MYH3: variants seen among roughly 807,000 people sequenced by gnomAD.
The protein encoded by MYH3 is myosin heavy chain 3.
MYH3 carries 130 observed loss-of-function variants against 238.0 expected under a neutral mutation model. The ratio of observed to expected loss-of-function variants is 0.55; its 90% CI spans 0.47 to 0.63. The LOEUF (loss-of-function observed/expected upper bound fraction) is 0.63, where lower values mean the gene tolerates loss of function less well. Ranked by LOEUF, MYH3 falls within the 30% of genes least tolerant of loss-of-function variation. The pLI is 0.00. For synonymous variants in MYH3, 880 were observed against 924.1 expected, an observed-to-expected ratio of 0.95 and a Z score of 0.86; for missense variants, 1,853 against 2,374.9, an observed-to-expected ratio of 0.78 and a Z score of 4.57.
intron 7 of MYH3, 42 bp from the exon 8 acceptor site, chr17:10,648,691 T>C: frequency 3.2e-6 from 5 of 1,557,590 alleles, no homozygotes; most frequent in Non-Finnish European, 4.4e-6. Context: ...ACATTTTTTT[T>C]TGAGATGGAG....
the MYH3 span, among the ~76,000 whole-genome samples, chr17:10,671,951 AT>A: frequency 2.6e-5 from 4 of 152,064 alleles, no homozygotes; most frequent in Non-Finnish European, 5.9e-5. Context: ...CTGCTTATAT[AT>A]CGGTGATAGT....
At chr17:10,673,276 T>A in the MYH3 span, 1 of 152,218 alleles carries the variant, frequency 6.6e-6, no homozygotes, top group Non-Finnish European at 1.5e-5. Context: ...GTTATGTGCA[T>A]CCCAGAGGCA....
At position 10,630,150 on chromosome 17, in the gene MYH3, G is replaced by C. The variant is rs746921344; in HGVS notation, c.5504C>G (p.Thr1835Arg). The change falls in exon 38 of 41, where the codon ACA becomes AGA. Residue 1835 changes from threonine (T) to arginine (R), a missense_variant. Around this residue, in one of 3 missense-constraint regions of MYH3, gnomAD observed 1,044 missense variants for 1,192.6 expected, o/e 0.88. Transcript: ENST00000583535. ...CTTCCTCAGGCCCTTAACAGACTCT[G>C]TGTTCTTCTTCTGCTCTCCCTCAAG... ...FELEGEQKKN[T>R]ESVKGLRKYE... The C allele has an allele frequency of 1.9e-6, 3 of 1,614,162 alleles. No individual in the cohort carries two copies. The highest frequency in any genetic ancestry group is 2.5e-6 in the Non-Finnish European group (3 of 1,180,034).
In MYH3 at chr17:10,651,545, T is replaced by C; in HGVS notation, c.472A>G (p.Ile158Val). 5.6e-6 allele frequency: 9 copies of C among 1,613,806 alleles called. No homozygotes were observed. The highest frequency in any genetic ancestry group is 7.6e-6 in the Non-Finnish European group (9 of 1,179,874). Residue 158 changes from isoleucine (I) to valine (V), a missense_variant, in exon 5 of 41, where the codon ATC (isoleucine) becomes GTC (valine). By Grantham distance (29) the Ile-to-Val change is conservative (BLOSUM62 3). Around this residue, in one of 3 missense-constraint regions of MYH3, gnomAD observed 678 missense variants for 1,058.9 expected, o/e 0.64. Transcript: ENST00000583535. The stretch of plus-strand genomic sequence containing the variant: ...ATGAACTGATAGGCGTTGTCAGAGA[T>C]GGAGAAGATGTGGGGTGGGGCCTCC... ...RQEAPPHIFS[I>V]SDNAYQFMLT... is the part of the protein sequence containing the mutation.
chr17:10,649,143 G>T (rs1270816738), intron 7 of MYH3, among the ~76,000 whole-genome samples: 1 of 152,174 alleles, frequency 6.6e-6, no homozygotes, highest in Non-Finnish European at 1.5e-5. Flanking sequence ...GTTATATTTG[G>T]CACTACAGTT....
chr17:10,655,118 G>A (rs2074415524), intron 2 of MYH3, 46 bp from the exon 3 acceptor site: 1 of 1,481,144 alleles, frequency 6.8e-7, no homozygotes, highest in Middle Eastern at 2.1e-4. Context: ...CCCTTGCCAG[G>A]CACCCAGCAG....
At chr17:10,665,469 T>G in the MYH3 span, among the ~76,000 whole-genome samples, 1 of 152,158 alleles carries the variant, frequency 6.6e-6, no homozygotes, top group East Asian at 1.9e-4. Flanking sequence ...ACACTGAATT[T>G]TTGTTTAAAG....
rs985838125 is a variant in MYH3 at position 10,631,978 on chromosome 17, C to T, written c.4995G>A (p.Gln1665=). Residue 1665 remains glutamine (Q), a synonymous_variant, in exon 35 of 41, where the codon CAG becomes CAA. Transcript: ENST00000583535. Reference sequence around the variant, plus strand: ...TCGCCAGCTGCTCCTTCAGGTCCTCCTGGCCCCGGAGGGCATCATCCAGGT... The same window carrying T: ...TCGCCAGCTGCTCCTTCAGGTCCTCTTGGCCCCGGAGGGCATCATCCAGGT... The part of the protein sequence containing the change: ...QLHLDDALRG[Q]EDLKEQLAIV... 1.5e-5 allele frequency: 25 copies of T among 1,613,762 alleles called. No individual in the cohort carries two copies. Among genetic ancestry groups the T allele is most frequent in the Middle Eastern group, 3.4e-4 (2 of 5,804 alleles).
chr17:10,668,239 A>T, the MYH3 span, among the ~76,000 whole-genome samples: 1 of 152,230 alleles, frequency 6.6e-6, no homozygotes. Flanking sequence ...TACTAAAAAT[A>T]CAAAAATTAG....
Position 10,629,889 on chromosome 17 carries a change from T to C in MYH3, c.5611A>G (p.Lys1871Glu). ...TAGGACTTGACTTTCACTTGCAGTT[T>C]ATCCACCAGATCCTGCAATCTCAGC... is the stretch of plus-strand genomic sequence containing the variant. ...NVLRLQDLVD[K>E]LQVKVKSYKR... The change falls in exon 39 of 41, where the codon AAA (lysine) becomes GAA (glutamate). Residue 1871 changes from lysine to glutamate, a missense_variant. Physicochemically the swap from Lys to Glu is moderately conservative, Grantham distance 56 (BLOSUM62 1). Around this residue, in one of 3 missense-constraint regions of MYH3, gnomAD observed 1,044 missense variants for 1,192.6 expected, o/e 0.88. Transcript: ENST00000583535. The C allele has an allele frequency of 1.2e-6, 2 of 1,614,184 alleles. No individual in the cohort carries two copies. The highest frequency in any genetic ancestry group is 1.7e-6 in the Non-Finnish European group (2 of 1,180,034).
chr17:10,647,321 G>C (rs368786583), intron 9 of MYH3, 41 bp from the exon 10 acceptor site: 206 of 1,613,532 alleles, frequency 1.3e-4, no homozygotes, highest in Non-Finnish European at 1.6e-4. Context: ...ACTGTTCCCA[G>C]TTAACTCTGA....
chr17:10,674,451 A>C, the MYH3 span: 49 of 284,704 alleles, frequency 1.7e-4, no homozygotes, highest in East Asian at 2.0e-3. Flanking sequence ...AACAAACAAA[A>C]AAACAGACTG....
chr17:10,645,326 G>A (rs1035271941), intron 12 of MYH3, among the ~76,000 whole-genome samples: 1 of 151,966 alleles, frequency 6.6e-6, no homozygotes, highest in African/African-American at 2.4e-5. Flanking sequence ...CAGCTACTCG[G>A]GAGGCTGAGG....
chr17:10,629,074 T>C (rs1381082133), intron 40 of MYH3, among the ~76,000 whole-genome samples: 3 of 152,066 alleles, frequency 2.0e-5, no homozygotes, highest in South Asian at 2.1e-4. Flanking sequence ...GTTTGTTACA[T>C]AGGTATACAT....
At position 10,652,576 on chromosome 17, in the gene MYH3, A is replaced by T. The variant is rs1254454741; in HGVS notation, c.205-13T>A. 2.1e-6 allele frequency: 3 copies of T among 1,420,602 alleles called. No homozygotes were observed. Among genetic ancestry groups the T allele is most frequent in the Non-Finnish European group, 2.9e-6 (3 of 1,039,786 alleles). The allele number at this position is 1,420,602 out of a possible 1,614,324, so 88.0% of individuals were successfully genotyped here. ...TGACCACCAGGGTCTAAAAAGGAAGAGGCACAGTGCTTCACTAAGATGGTC... is the reference window on the plus strand; with the variant it reads ...TGACCACCAGGGTCTAAAAAGGAAGTGGCACAGTGCTTCACTAAGATGGTC... On this transcript the variant is annotated splice_polypyrimidine_tract_variant and intron_variant, in intron 3 of 40. Coordinates refer to ENST00000583535, the MANE Select transcript of MYH3 (RefSeq NM_002470.4).
chr17:10,645,044 A>ATTTTT (rs36082575), intron 12 of MYH3, among the ~76,000 whole-genome samples: 8 of 146,726 alleles, frequency 5.5e-5, no homozygotes, highest in African/African-American at 2.0e-4. Flanking sequence ...GCTTCCATCC[A>ATTTTT]TTTTTTTTTT....
At chr17:10,628,789 G>C (rs1017648077) in intron 40 of MYH3, 110 bp from the exon 41 acceptor site, 5 of 1,223,578 alleles carry the variant, frequency 4.1e-6, no homozygotes, top group Non-Finnish European at 6.1e-6. Flanking sequence ...GTGGGACACA[G>C]GATATTTTTT....
rs1249013082 is a variant in MYH3, at chr17:10,642,063, C to T, written c.1959+177G>A. ...TATAAGATAATAGTGATACTCTCAT[C>T]GCACATTGGTTAGACCGTATTTATT... On this transcript the variant is annotated intron_variant, in intron 17 of 40. Transcript: ENST00000583535. This position sits in a 1 kb window ranked among gnomAD's most constrained non-coding sequence, Gnocchi z 5.4. Among the ~76,000 whole-genome samples the T allele has an allele frequency of 2.6e-5, 4 of 152,108 alleles. No homozygotes were observed. The highest frequency in any genetic ancestry group is 5.9e-5 in the Non-Finnish European group (4 of 68,020).
chr17:10,642,216 C>A lies in MYH3; in HGVS notation c.1959+24G>T. 1.2e-6 allele frequency: 2 copies of A among 1,601,746 alleles called. No individual in the cohort carries two copies. The highest frequency in any genetic ancestry group is 1.7e-6 in the Non-Finnish European group (2 of 1,169,654). On this transcript the variant is annotated intron_variant, in intron 17 of 40. Transcript: ENST00000583535. The surrounding 1 kb of genome is among the most constrained non-coding windows in gnomAD (Gnocchi z 5.4). ...AGATGTCACTTAAATCAATTATAAG[C>A]AAATAAACTTGTATTTTTCTTACCC...
Sources: allele counts gnomAD v4.1 joint callset (sites outside exome capture counted in the v4.1 genomes callset), GRCh38; gene constraint gnomAD v4.1.1; regional missense constraint gnomAD v4.1.1; non-coding constraint Gnocchi (gnomAD v3.1); transcripts MANE v1.5; gene names NCBI Gene and HGNC (gene_info 2026-07-23, HGNC 2026-07-21).